Variants in PDSS2 observed in about 807,000 individuals in gnomAD.
The protein encoded by PDSS2 is decaprenyl diphosphate synthase subunit 2.
In PDSS2, 31 loss-of-function variants were observed where a neutral mutation model predicts 44.5. The ratio of observed to expected loss-of-function variants is 0.70; its 90% confidence interval spans 0.52 to 0.94. PDSS2 has a LOEUF of 0.94. PDSS2 is among the 40% of genes least tolerant of loss of function. The probability of loss-of-function intolerance (pLI) is 0.00; values close to 1 mark genes in which losing one functional copy is unlikely to be tolerated. For synonymous variants in PDSS2, 157 were observed against 180.3 expected (o/e 0.87, Z 1.03); for missense variants, 452 against 482.2 (o/e 0.94, Z 0.59).
Position 107,173,572 on chromosome 6 carries a change from C to CAAAAAAAAAA in PDSS2, c.1042-18805_1042-18796dup, listed in dbSNP as rs71012783. On this transcript the variant is annotated intron_variant, in intron 7 of 7. Coordinates refer to ENST00000369037, the MANE Select transcript of PDSS2 (RefSeq NM_020381.4). ...CTGGTGATGGAATGAGACTCTGTCT[C>CAAAAAAAAAA]AAAAAAAAAAAAAAAAAAAAAAAAA... Among the ~76,000 whole-genome samples the CAAAAAAAAAA allele has an allele frequency of 1.7e-4, 7 of 41,510 alleles. 2 individuals carry two copies. The highest frequency in any genetic ancestry group is 8.8e-4 in the African/African-American group (7 of 7,972). 27.2% of individuals were successfully genotyped at this position (41,510 alleles called of 152,430 possible).
chr6:107,308,467 G>C (rs1203783528), intron 2 of PDSS2, among the ~76,000 whole-genome samples: 1 of 152,180 alleles, frequency 6.6e-6, no homozygotes. Flanking sequence ...GACATGGTCT[G>C]TGTCCTGAGG....
At chr6:107,259,746 T>C (rs1775151435) in intron 3 of PDSS2, among the ~76,000 whole-genome samples, 1 of 152,092 alleles carries the variant, frequency 6.6e-6, no homozygotes, top group African/African-American at 2.4e-5. Flanking sequence ...GTCCACAGAC[T>C]TCTACTTTAT....
intron 7 of PDSS2, among the ~76,000 whole-genome samples, chr6:107,155,839 A>G (rs544227428): frequency 6.8e-6 from 1 of 148,060 alleles, no homozygotes; most frequent in South Asian, 2.1e-4. Flanking sequence ...TAGCCTCCCA[A>G]AAAGCTGGGA....
intron 1 of PDSS2, among the ~76,000 whole-genome samples, chr6:107,406,552 A>G (rs1377249288): frequency 6.6e-6 from 1 of 152,234 alleles, no homozygotes; most frequent in Non-Finnish European, 1.5e-5. Flanking sequence ...TCTGATGATA[A>G]AAAGTATGTT....
chr6:107,193,170 C>T (rs1274693340), intron 7 of PDSS2, among the ~76,000 whole-genome samples: 1 of 152,216 alleles, frequency 6.6e-6, no homozygotes, highest in African/African-American at 2.4e-5. Flanking sequence ...TGACCTCCCG[C>T]AGCAGTTTTT....
At chr6:107,306,344 G>A (rs533146210) in intron 2 of PDSS2, among the ~76,000 whole-genome samples, 1 of 152,094 alleles carries the variant, frequency 6.6e-6, no homozygotes, top group Non-Finnish European at 1.5e-5. Context: ...TGAAAAATGG[G>A]AGTCTCTCTG....
intron 1 of PDSS2, among the ~76,000 whole-genome samples, chr6:107,421,454 G>T (rs964605947): frequency 6.6e-5 from 10 of 152,024 alleles, no homozygotes; most frequent in Non-Finnish European, 1.2e-4. Flanking sequence ...TATGGTAAAT[G>T]GATATATAAA....
intron 3 of PDSS2, among the ~76,000 whole-genome samples, chr6:107,261,570 TTTTC>T (rs1179935105): frequency 1.8e-4 from 20 of 109,288 alleles, no homozygotes; most frequent in African/African-American, 4.5e-4. Flanking sequence ...CAGGTATTTC[TTTTC>T]TTTCTTTTTT....
chr6:107,164,033 G>C (rs1294728583), intron 7 of PDSS2, among the ~76,000 whole-genome samples: 2 of 152,148 alleles, frequency 1.3e-5, no homozygotes, highest in Non-Finnish European at 2.9e-5. Context: ...TGGAGATAGA[G>C]TCTATCAGGA....
At chr6:107,236,842 T>C (rs1582828331) in intron 4 of PDSS2, among the ~76,000 whole-genome samples, 1 of 152,142 alleles carries the variant, frequency 6.6e-6, no homozygotes, top group African/African-American at 2.4e-5. Context: ...TTTTTCTTAA[T>C]GGGAAAAAAA....
At chr6:107,422,948 A>T (rs1185468332) in intron 1 of PDSS2, among the ~76,000 whole-genome samples, 2 of 151,970 alleles carry the variant, frequency 1.3e-5, no homozygotes, top group African/African-American at 4.8e-5. Flanking sequence ...GCACTACATA[A>T]TTTTTTTTAC....
At position 107,273,328 on chromosome 6, in the gene PDSS2, GA is replaced by G. The variant is rs559462519; in HGVS notation, c.630+700del. On this transcript the variant is annotated intron_variant, in intron 3 of 7. Coordinates refer to ENST00000369037, the MANE Select transcript of PDSS2 (RefSeq NM_020381.4). ...TGAGACCATGTCTCTATAACAAAAGGAAAAAAAAAACACTAAAAATGTTTAA... is the reference window on the plus strand; with the variant it reads ...TGAGACCATGTCTCTATAACAAAAGGAAAAAAAAACACTAAAAATGTTTAA... 7.6e-5 allele frequency among the ~76,000 whole-genome samples: 11 copies of G among 145,144 alleles called. 1 individual carries two copies. The highest frequency in any genetic ancestry group is 4.4e-4 in the South Asian group (2 of 4,546).
At chr6:107,295,675 T>C (rs1053900342) in intron 2 of PDSS2, among the ~76,000 whole-genome samples, 2 of 152,198 alleles carry the variant, frequency 1.3e-5, no homozygotes, top group South Asian at 2.1e-4. Flanking sequence ...TGTGAATCCA[T>C]GCTCCTTCCA....
At chr6:107,398,182 C>A (rs2114571645) in intron 1 of PDSS2, among the ~76,000 whole-genome samples, 1 of 152,298 alleles carries the variant, frequency 6.6e-6, no homozygotes, top group Admixed American at 6.5e-5. Context: ...AACTGCTTAT[C>A]TGTGGGAGGC....
chr6:107,417,406 C>T (rs958559020), intron 1 of PDSS2, among the ~76,000 whole-genome samples: 48 of 152,238 alleles, frequency 3.2e-4, no homozygotes, highest in African/African-American at 1.1e-3. Context: ...TGAATTTAAA[C>T]ACTAAAAAAT....
At chr6:107,157,969 C>A (rs1457674851) in intron 7 of PDSS2, among the ~76,000 whole-genome samples, 2 of 152,082 alleles carry the variant, frequency 1.3e-5, no homozygotes, top group African/African-American at 2.4e-5. Context: ...CTGCGCCCGA[C>A]TTAGTGTTGT....
intron 1 of PDSS2, among the ~76,000 whole-genome samples, chr6:107,424,081 AC>A (rs1162543421): frequency 8.2e-6 from 1 of 122,062 alleles, no homozygotes; most frequent in East Asian, 2.2e-4. Context: ...TCACTCTGTC[AC>A]CCAGGCTGGA....
intron 1 of PDSS2, among the ~76,000 whole-genome samples, chr6:107,361,064 T>C (rs1447132884): frequency 2.6e-5 from 4 of 152,270 alleles, no homozygotes; most frequent in East Asian, 1.9e-4. Flanking sequence ...ATTCATGATA[T>C]ATGATAAATA....
intron 1 of PDSS2, among the ~76,000 whole-genome samples, chr6:107,438,731 C>G (rs1291891183): frequency 2.6e-5 from 4 of 152,138 alleles, no homozygotes; most frequent in South Asian, 2.1e-4. Context: ...AAGGGAAATA[C>G]CAAAACCTCT....
Sources: gnomAD v4.1 joint callset for allele counts (sites outside exome capture counted in the v4.1 genomes callset) on GRCh38, gnomAD v4.1.1 for gene constraint, MANE v1.5 for transcripts, NCBI Gene and HGNC (gene_info 2026-07-23, HGNC 2026-07-21) for gene names.